ZFHX3: variants seen among roughly 807,000 people sequenced by gnomAD.
ZFHX3 encodes zinc finger homeobox protein 3.
A neutral mutation model predicts 279.1 loss-of-function variants in ZFHX3; 42 were observed. That is an observed-to-expected ratio of 0.15 (90% confidence interval 0.12 to 0.19). The LOEUF is 0.19. ZFHX3 is among the 10% of genes least tolerant of loss of function. ZFHX3 has a pLI of 1.00. For missense variants in ZFHX3, 4,981 were observed against 4,754.0 expected, an observed-to-expected ratio of 1.05 and a Z score of -1.40; for synonymous variants, 2,293 against 1,957.8, an observed-to-expected ratio of 1.17 and a Z score of -4.52.
chr16:72,852,835 T>C (rs1043564334), intron 4 of ZFHX3, among the ~76,000 whole-genome samples: 1 of 152,202 alleles, frequency 6.6e-6, no homozygotes, highest in Non-Finnish European at 1.5e-5. Flanking sequence ...AGCTTTCTCT[T>C]TGGAACAGAA....
upstream of ZFHX3, among the ~76,000 whole-genome samples, chr16:73,048,720 A>C (rs1036356743): frequency 6.6e-6 from 1 of 152,234 alleles, no homozygotes; most frequent in Non-Finnish European, 1.5e-5. Context: ...ACAGGAATTT[A>C]TTGGAAACAC....
chr16:73,867,096 G>A (rs772927811), intron 1 of ZFHX3, among the ~76,000 whole-genome samples: 1 of 152,052 alleles, frequency 6.6e-6, no homozygotes, highest in Non-Finnish European at 1.5e-5. Flanking sequence ...TAGACAGCCT[G>A]GAACTGCCCC....
At chr16:73,727,985 C>T (rs952569999) in intron 1 of ZFHX3, among the ~76,000 whole-genome samples, 3 of 149,182 alleles carry the variant, frequency 2.0e-5, no homozygotes, top group African/African-American at 7.3e-5. Context: ...AGAAATTCAG[C>T]TCCTTGGTCC....
chr16:73,011,067 G>A (rs1297679365), intron 1 of ZFHX3, among the ~76,000 whole-genome samples: 2 of 151,954 alleles, frequency 1.3e-5, no homozygotes, highest in Non-Finnish European at 2.9e-5. Flanking sequence ...CTGCAACCTC[G>A]ACCTCCCGGG....
intron 1 of ZFHX3, among the ~76,000 whole-genome samples, chr16:73,007,656 CA>C (rs1267313963): frequency 1.3e-5 from 2 of 152,084 alleles, no homozygotes; most frequent in Non-Finnish European, 2.9e-5. Context: ...CTATGTTGGC[CA>C]GACAGGTCTC....
intron 5 of ZFHX3, among the ~76,000 whole-genome samples, chr16:73,255,184 C>G (rs1355863701): frequency 6.6e-6 from 1 of 152,186 alleles, no homozygotes; most frequent in African/African-American, 2.4e-5. Flanking sequence ...CGGCTAGGAT[C>G]ATACCTTTTT....
At chr16:72,898,249 C>T (rs1018105820) in intron 3 of ZFHX3, among the ~76,000 whole-genome samples, 3 of 152,062 alleles carry the variant, frequency 2.0e-5, no homozygotes, top group Middle Eastern at 6.3e-3. Flanking sequence ...GATAGAAGCC[C>T]CAACCATGAT....
chr16:73,257,763 C>G (rs577880961), intron 4 of ZFHX3, among the ~76,000 whole-genome samples: 1 of 152,128 alleles, frequency 6.6e-6, no homozygotes, highest in South Asian at 2.1e-4. Flanking sequence ...GTTATTAATC[C>G]TATAATAATT....
intron 1 of ZFHX3, among the ~76,000 whole-genome samples, chr16:73,862,804 G>T (rs1961917577): frequency 6.6e-6 from 1 of 152,136 alleles, no homozygotes; most frequent in Non-Finnish European, 1.5e-5. Context: ...TGTAAAGAAA[G>T]TTACCTATAA....
intron 2 of ZFHX3, among the ~76,000 whole-genome samples, chr16:73,545,179 G>T (rs909897329): frequency 6.6e-6 from 1 of 152,068 alleles, no homozygotes; most frequent in Non-Finnish European, 1.5e-5. Flanking sequence ...AAATAAGCGT[G>T]GGAGGCAATC....
At chr16:73,115,903 G>C (rs1478499731) in intron 7 of ZFHX3, among the ~76,000 whole-genome samples, 1 of 152,150 alleles carries the variant, frequency 6.6e-6, no homozygotes, top group African/African-American at 2.4e-5. Context: ...TGGATCATCT[G>C]AGGTGAGGAG....
At position 73,215,561 on chromosome 16, in the gene ZFHX3, C is replaced by T. The variant is rs370139098; in HGVS notation, c.-1104+41486G>A. On this transcript the variant is annotated intron_variant, in intron 5 of 17. Transcript: ENST00000641206. Reference sequence around the variant, plus strand: ...ATGAGTGAGGCCAACTTGGTAGGACCCTGCAGTTTCAGAAGAGTTCTCTGT... The same window carrying T: ...ATGAGTGAGGCCAACTTGGTAGGACTCTGCAGTTTCAGAAGAGTTCTCTGT... Among the ~76,000 whole-genome samples the T allele has an allele frequency of 3.2e-4, 49 of 152,186 alleles. No homozygotes were observed. In the South Asian group the frequency reaches 9.8e-3, roughly 30 times the overall value.
In ZFHX3 at chr16:72,958,888, G is replaced by A. The variant is rs780117997; in HGVS notation, c.1258C>T (p.Leu420=). The A allele has an allele frequency of 6.2e-6, 10 of 1,610,370 alleles. No individual in the cohort carries two copies. The highest frequency in any genetic ancestry group is 7.6e-6 in the Non-Finnish European group (9 of 1,177,968). Residue 420 remains leucine, a synonymous_variant, in exon 2 of 10, where the codon CTG becomes TTG. Coordinates refer to ENST00000268489, the MANE Select transcript of ZFHX3 (RefSeq NM_006885.4). ...VLKTPITSVP[L]GPLASSPTKS... is the part of the protein sequence containing the mutation. ...GTAGGACTGGAAGCCAGAGGCCCCA[G>A]GGGGACTGAGGTAATGGGGGTCTTC...
chr16:73,380,602 T>G (rs1244719067), intron 3 of ZFHX3, among the ~76,000 whole-genome samples: 1 of 152,232 alleles, frequency 6.6e-6, no homozygotes, highest in Non-Finnish European at 1.5e-5. Context: ...ATCAATTGCT[T>G]CACTCTCTAC....
intron 2 of ZFHX3, among the ~76,000 whole-genome samples, chr16:73,631,266 C>T (rs1284888661): frequency 1.3e-5 from 2 of 152,170 alleles, no homozygotes; most frequent in African/African-American, 4.8e-5. Flanking sequence ...AATATTAATT[C>T]CTCCTCCAGA....
chr16:73,837,628 T>C (rs1009325910), intron 1 of ZFHX3, among the ~76,000 whole-genome samples: 31 of 151,760 alleles, frequency 2.0e-4, no homozygotes, highest in Non-Finnish European at 3.8e-4. Flanking sequence ...CTATTTTCTT[T>C]TCTTTTCTTT....
At chr16:72,892,083 C>T (rs9940310) in intron 3 of ZFHX3, among the ~76,000 whole-genome samples, 21,754 of 152,220 alleles carry the variant, frequency 0.14, 2,390 homozygotes, top group African/African-American at 0.31. Context: ...CTGACGCTCA[C>T]GTACTGACAT....
At chr16:73,838,161 C>G (rs1475123394) in intron 1 of ZFHX3, among the ~76,000 whole-genome samples, 6 of 152,210 alleles carry the variant, frequency 3.9e-5, no homozygotes, top group Non-Finnish European at 8.8e-5. Context: ...TAAATGACTA[C>G]TGTATCTCTA....
chr16:72,978,119 C>A (rs1385825908), intron 1 of ZFHX3, among the ~76,000 whole-genome samples: 1 of 152,208 alleles, frequency 6.6e-6, no homozygotes, highest in East Asian at 1.9e-4. Flanking sequence ...CCCGCCTCAT[C>A]CTCCCAGAGT....
Sources: allele counts gnomAD v4.1 joint callset (sites outside exome capture counted in the v4.1 genomes callset), GRCh38; gene constraint gnomAD v4.1.1; transcripts MANE v1.5; gene names NCBI Gene and HGNC (gene_info 2026-07-23, HGNC 2026-07-21).